Variants in ENOX2 observed in about 807,000 individuals in gnomAD.
ENOX2 encodes APK1 antigen.
Under a neutral mutation model 45.0 loss-of-function variants are expected in ENOX2, and 36 were observed. That is an observed-to-expected ratio of 0.80 (90% CI 0.61 to 1.06). ENOX2 has a LOEUF of 1.06. Ranked by LOEUF, ENOX2 falls within the 50% of genes least tolerant of loss-of-function variation. ENOX2 has a pLI of 0.00. For missense variants in ENOX2, 423 were observed against 462.5 expected (o/e 0.91, Z 0.78); for synonymous variants, 174 against 152.3 (o/e 1.14, Z -1.05).
At chrX:130,718,639 T>C (rs1177434336) in intron 3 of ENOX2, among the ~76,000 whole-genome samples, 1 of 112,394 alleles carries the variant, frequency 8.9e-6, no homozygotes, top group South Asian at 3.7e-4. Context: ...GGTAAACAAC[T>C]AAATGGTTAT....
rs1367497987 is a variant in ENOX2 at position 130,623,483 on chromosome X, A to G, written c.*1831T>C. The G allele has an allele frequency of 1.8e-5, 2 of 111,379 alleles. No homozygotes were observed. The highest frequency in any genetic ancestry group is 3.8e-5 in the Non-Finnish European group (2 of 53,116). The allele number at this position is 111,379 out of a possible 1,213,427, so 9.2% of individuals were successfully genotyped here. On this transcript the variant is annotated 3_prime_UTR_variant, in exon 15 of 15. Coordinates refer to ENST00000394363, the MANE Select transcript of ENOX2 (RefSeq NM_006375.4). ...CTGCACCTCAACCCATCACCTAGGT[A>G]TTAAACCCCGCATGCATTAGCTCTT...
At chrX:130,664,160 C>A (rs192818725) in intron 9 of ENOX2, among the ~76,000 whole-genome samples, 2 of 112,216 alleles carry the variant, frequency 1.8e-5, no homozygotes, top group African/African-American at 6.5e-5. Flanking sequence ...ATCCCTTTGC[C>A]GTGCCAGAAT....
Position 130,679,708 on chromosome X carries a change from G to A in ENOX2, c.294C>T (p.Cys98=), listed in dbSNP as rs1367736216. The stretch of plus-strand genomic sequence containing the variant: ...GCAGACCACCCACAAATACTGTTTT[G>A]CATCCTGGTGGTCTTTCTCGGGTTG... The part of the protein sequence containing the change: ...PPATRERPPG[C]KTVFVGGLPE... Residue 98 remains cysteine (C), a synonymous_variant, in exon 6 of 15, where the codon TGC becomes TGT. Transcript: ENST00000394363. 17 of 1,209,679 alleles carry A rather than the reference G, an allele frequency of 1.4e-5. No individual in the cohort carries two copies. The highest frequency in any genetic ancestry group is 2.2e-5 in the Admixed American group (1 of 45,862).
intron 2 of ENOX2, among the ~76,000 whole-genome samples, chrX:130,825,285 A>G (rs1469492103): frequency 2.7e-5 from 3 of 111,675 alleles, no homozygotes; most frequent in Non-Finnish European, 5.7e-5. Context: ...CAAATTTTAC[A>G]AACATTTAAA....
intron 2 of ENOX2, among the ~76,000 whole-genome samples, chrX:130,788,957 T>C (rs775359006): frequency 8.8e-4 from 98 of 110,918 alleles, no homozygotes; most frequent in Admixed American, 2.4e-3. Context: ...CCAAGTTGAC[T>C]GGTGTAGACA....
intron 10 of ENOX2, among the ~76,000 whole-genome samples, chrX:130,653,360 G>A (rs955278201): frequency 1.8e-5 from 2 of 111,880 alleles, no homozygotes; most frequent in Non-Finnish European, 3.8e-5. Flanking sequence ...CAGACAAGAT[G>A]TGCTTATAGT....
chrX:130,894,366 G>GA (rs1256108573), intron 2 of ENOX2, among the ~76,000 whole-genome samples: 187 of 55,638 alleles, frequency 3.4e-3, no homozygotes, highest in Non-Finnish European at 4.4e-3. Flanking sequence ...AAAAAAAAAA[G>GA]AAAAAAAAAA....
At chrX:130,810,264 C>T (rs1028734948) in intron 2 of ENOX2, among the ~76,000 whole-genome samples, 3 of 110,766 alleles carry the variant, frequency 2.7e-5, no homozygotes, top group African/African-American at 9.9e-5. Flanking sequence ...ACCTCTAAGC[C>T]CACCATGGCA....
At chrX:130,701,553 T>G (rs988779790) in intron 4 of ENOX2, among the ~76,000 whole-genome samples, 9 of 111,694 alleles carry the variant, frequency 8.1e-5, no homozygotes, top group African/African-American at 2.6e-4. Context: ...GACATTGTGC[T>G]AAGTATGATT....
chrX:130,651,361 C>T lies in ENOX2; in HGVS notation c.1129+5220G>A, dbSNP rs745849162. ...TTTTCCTCACTGCCTCTCATCACCC[C>T]AAGACTGCTCTCTTTCCTTGCTGGG... On this transcript the variant is annotated intron_variant, in intron 10 of 14. Transcript: ENST00000394363. Among the ~76,000 whole-genome samples the T allele has an allele frequency of 2.7e-5, 3 of 112,315 alleles. No homozygotes were observed. The East Asian group carries it at 8.4e-4, about 31-fold the overall frequency.
Position 130,785,838 on chromosome X carries a change from C to T in ENOX2, c.-182-2148G>A, listed in dbSNP as rs151083383. On this transcript the variant is annotated intron_variant, in intron 2 of 14. Coordinates refer to ENST00000394363, the MANE Select transcript of ENOX2 (RefSeq NM_006375.4). The stretch of plus-strand genomic sequence containing the variant: ...ACAGAATGGCATAGTGGAAAGATCC[C>T]GACAGACCGGGATTCAAATCCTGGT... Among the ~76,000 whole-genome samples, 738 of 112,065 alleles carry T rather than the reference C, an allele frequency of 6.6e-3. 6 individuals are homozygous for T. The highest frequency in any genetic ancestry group is 0.023 in the African/African-American group (707 of 30,871).
At chrX:130,766,743 A>G (rs2039627943) in intron 3 of ENOX2, among the ~76,000 whole-genome samples, 1 of 111,743 alleles carries the variant, frequency 8.9e-6, no homozygotes, top group Admixed American at 9.5e-5. Flanking sequence ...AGACCTCCAT[A>G]TGCACATGGG....
intron 5 of ENOX2, among the ~76,000 whole-genome samples, chrX:130,680,876 G>A (rs2037283364): frequency 8.9e-6 from 1 of 112,219 alleles, no homozygotes; most frequent in South Asian, 3.7e-4. Context: ...CAGTTGATTT[G>A]GGAGCCTCCT....
At position 130,633,987 on chromosome X, in the gene ENOX2, C is replaced by T. The variant is rs191895287; in HGVS notation, c.1419+997G>A. On this transcript the variant is annotated intron_variant, in intron 12 of 14. Coordinates refer to ENST00000394363, the MANE Select transcript of ENOX2 (RefSeq NM_006375.4). Reference sequence around the variant, plus strand: ...TTATGAAGTGGAAGAATTAAAAGCACGTTGCAAATGGCCTCTAGAAGAAAA... The same window carrying T: ...TTATGAAGTGGAAGAATTAAAAGCATGTTGCAAATGGCCTCTAGAAGAAAA... 2.2e-3 allele frequency among the ~76,000 whole-genome samples: 250 copies of T among 112,389 alleles called. 1 individual carries two copies. Among genetic ancestry groups the T allele is most frequent in the African/African-American group, 7.7e-3 (239 of 30,992 alleles).
intron 3 of ENOX2, among the ~76,000 whole-genome samples, chrX:130,732,958 C>T (rs766305591): frequency 2.5e-4 from 28 of 111,962 alleles, no homozygotes; most frequent in African/African-American, 8.7e-4. Context: ...TGACATTCGA[C>T]TAGGCAATGA....
intron 3 of ENOX2, among the ~76,000 whole-genome samples, chrX:130,719,477 A>C (rs1320425973): frequency 9.1e-6 from 1 of 110,206 alleles, no homozygotes; most frequent in African/African-American, 3.3e-5. Flanking sequence ...AAAAAAAAAA[A>C]AACCAGACAG....
At chrX:130,717,063 A>C (rs2038348661) in intron 3 of ENOX2, among the ~76,000 whole-genome samples, 1 of 112,273 alleles carries the variant, frequency 8.9e-6, no homozygotes, top group South Asian at 3.7e-4. Flanking sequence ...ATTTGATTTG[A>C]AAATGATTAC....
intron 3 of ENOX2, among the ~76,000 whole-genome samples, chrX:130,780,560 C>G (rs774306525): frequency 2.0e-4 from 22 of 111,174 alleles, no homozygotes; most frequent in African/African-American, 7.2e-4. Flanking sequence ...AGTGTATTAC[C>G]AAGGAAAGCA....
chrX:130,667,438 G>T, intron 8 of ENOX2, 92 bp downstream of exon 8: 1 of 783,423 alleles, frequency 1.3e-6, no homozygotes, highest in Non-Finnish European at 1.9e-6. Context: ...CCTTAACACA[G>T]GATGGCTCTG....
Sources: allele counts gnomAD v4.1 joint callset (sites outside exome capture counted in the v4.1 genomes callset), GRCh38; gene constraint gnomAD v4.1.1; transcripts MANE v1.5; gene names NCBI Gene and HGNC (gene_info 2026-07-23, HGNC 2026-07-21).